The following KCNQ3 variants were observed in gnomAD, a reference collection of about 807,000 sequenced individuals.
KCNQ3 encodes potassium voltage-gated channel subfamily Q member 3.
Under a neutral mutation model 92.5 loss-of-function variants are expected in KCNQ3, and 30 were observed. The ratio of observed to expected loss-of-function variants is 0.32; its 90% CI spans 0.24 to 0.44. The LOEUF (loss-of-function observed/expected upper bound fraction) is 0.44. Ranked by LOEUF, KCNQ3 falls within the 20% of genes least tolerant of loss-of-function variation. The pLI is 1.00. For missense variants in KCNQ3, 913 were observed against 1,140.3 expected, an observed-to-expected ratio of 0.80 and a Z score of 2.87; for synonymous variants, 450 against 468.8, an observed-to-expected ratio of 0.96 and a Z score of 0.52.
chr8:132,141,014 G>A (rs1825278391), intron 10 of KCNQ3, 115 bp downstream of exon 10: 1 of 937,692 alleles, frequency 1.1e-6, no homozygotes, highest in African/African-American at 1.6e-5. Context: ...GGAAGGGAGA[G>A]AGTTACCTTG....
chr8:132,410,178 T>C (rs879885743), intron 1 of KCNQ3, among the ~76,000 whole-genome samples: 2 of 152,214 alleles, frequency 1.3e-5, no homozygotes, highest in Admixed American at 6.5e-5. Flanking sequence ...TGCTGTTTAC[T>C]TAAGGAATGA....
intron 1 of KCNQ3, among the ~76,000 whole-genome samples, chr8:132,431,819 C>T (rs954142180): frequency 1.3e-5 from 2 of 152,304 alleles, no homozygotes; most frequent in South Asian, 2.1e-4. Flanking sequence ...ATGGAGATCC[C>T]AGACAGAAGC....
At chr8:132,435,051 CA>C (rs1821357232) in intron 1 of KCNQ3, among the ~76,000 whole-genome samples, 1 of 152,164 alleles carries the variant, frequency 6.6e-6, no homozygotes, top group Non-Finnish European at 1.5e-5. Flanking sequence ...CCACCTAGGT[CA>C]GGGGTGCTGC....
chr8:132,214,178 T>C (rs879561518), intron 1 of KCNQ3, among the ~76,000 whole-genome samples: 2 of 152,224 alleles, frequency 1.3e-5, no homozygotes, highest in Non-Finnish European at 2.9e-5. Context: ...CTCTCTGAGC[T>C]ACAGTTCCCT....
At chr8:132,227,627 T>C (rs1814474390) in intron 1 of KCNQ3, among the ~76,000 whole-genome samples, 1 of 152,222 alleles carries the variant, frequency 6.6e-6, no homozygotes, top group Non-Finnish European at 1.5e-5. Context: ...GAGGGCCTCT[T>C]TGGCCCTTTG....
intron 1 of KCNQ3, among the ~76,000 whole-genome samples, chr8:132,243,323 C>CGAA (rs1260096497): frequency 1.3e-5 from 2 of 152,154 alleles, no homozygotes; most frequent in Non-Finnish European, 2.9e-5. Context: ...TCACTACTGA[C>CGAA]ACTATCAAAA....
chr8:132,437,309 AT>A (rs1213581808), intron 1 of KCNQ3, among the ~76,000 whole-genome samples: 1 of 151,030 alleles, frequency 6.6e-6, no homozygotes, highest in Admixed American at 6.6e-5. Flanking sequence ...AATAAAAAAA[AT>A]AAAAAAAAAG....
At chr8:132,355,432 G>T (rs1818993048) in intron 1 of KCNQ3, among the ~76,000 whole-genome samples, 1 of 151,972 alleles carries the variant, frequency 6.6e-6, no homozygotes, top group Non-Finnish European at 1.5e-5. Context: ...GACCCAAGCT[G>T]AGCCAATCAG....
chr8:132,148,257 T>C (rs930371), intron 9 of KCNQ3, among the ~76,000 whole-genome samples: 123,709 of 149,956 alleles, frequency 0.82, 51,266 homozygotes, highest in Middle Eastern at 0.88. Context: ...TTTCTTTTTC[T>C]TTTTTTTTTG....
At chr8:132,225,189 G>A (rs568561007) in intron 1 of KCNQ3, among the ~76,000 whole-genome samples, 13 of 152,276 alleles carry the variant, frequency 8.5e-5, no homozygotes, top group East Asian at 1.9e-4. Context: ...AAATGAAAAC[G>A]GCTTTTAAAA....
At chr8:132,352,374 G>A (rs1445522432) in intron 1 of KCNQ3, among the ~76,000 whole-genome samples, 1 of 152,150 alleles carries the variant, frequency 6.6e-6, no homozygotes, top group Non-Finnish European at 1.5e-5. Context: ...CAAGGATGCT[G>A]CTAAACATTC....
intron 1 of KCNQ3, among the ~76,000 whole-genome samples, chr8:132,428,465 G>A (rs139688622): frequency 6.6e-6 from 1 of 152,218 alleles, no homozygotes; most frequent in East Asian, 1.9e-4. Flanking sequence ...CTGGTCCCTG[G>A]AAGCAGCACA....
At chr8:132,386,959 G>A (rs1247859412) in intron 1 of KCNQ3, among the ~76,000 whole-genome samples, 1 of 152,170 alleles carries the variant, frequency 6.6e-6, no homozygotes, top group Non-Finnish European at 1.5e-5. Context: ...AAAAATGTTT[G>A]TGGTGATGGA....
chr8:132,406,669 C>A (rs374393182), intron 1 of KCNQ3, among the ~76,000 whole-genome samples: 2 of 152,108 alleles, frequency 1.3e-5, no homozygotes, highest in African/African-American at 4.8e-5. Flanking sequence ...AACTACCATG[C>A]TTTCTCAGTT....
intron 1 of KCNQ3, among the ~76,000 whole-genome samples, chr8:132,224,081 A>ATTTTTTT (rs1164773143): frequency 0.012 from 464 of 39,464 alleles, 45 homozygotes; most frequent in Non-Finnish European, 0.017. Flanking sequence ...ATGCCAGGCT[A>ATTTTTTT]TTTTTTTTTT....
chr8:132,281,876 C>T (rs1816533942), intron 1 of KCNQ3, among the ~76,000 whole-genome samples: 1 of 152,212 alleles, frequency 6.6e-6, no homozygotes, highest in Admixed American at 6.5e-5. Context: ...TCTTACCTCT[C>T]ATCTCACTGC....
In KCNQ3 at chr8:132,456,647, G is replaced by A. The variant is rs375571746; in HGVS notation, c.386+23500C>T. Reference sequence around the variant, plus strand: ...TTTTGAGATGGAGTCTCACTCTGTCGCCCAGGCTGCAGTGCAGTGGTGCGA... The same window carrying A: ...TTTTGAGATGGAGTCTCACTCTGTCACCCAGGCTGCAGTGCAGTGGTGCGA... On this transcript the variant is annotated intron_variant, in intron 1 of 14. Coordinates refer to ENST00000388996, the MANE Select transcript of KCNQ3 (RefSeq NM_004519.4). Among the ~76,000 whole-genome samples the A allele has an allele frequency of 7.2e-3, 1,069 of 149,452 alleles. 12 individuals are homozygous for A. The highest frequency in any genetic ancestry group is 0.025 in the African/African-American group (1,032 of 40,484).
At chr8:132,232,999 C>T (rs1359011064) in intron 1 of KCNQ3, among the ~76,000 whole-genome samples, 2 of 152,186 alleles carry the variant, frequency 1.3e-5, no homozygotes, top group Non-Finnish European at 2.9e-5. Context: ...TTGTCTCTGG[C>T]ATTGCTAAGC....
intron 1 of KCNQ3, among the ~76,000 whole-genome samples, chr8:132,229,994 T>C (rs1465589021): frequency 6.6e-6 from 1 of 152,148 alleles, no homozygotes; most frequent in Non-Finnish European, 1.5e-5. Context: ...AAGGGCAGGA[T>C]GGGGTCTGAT....
Sources: allele counts gnomAD v4.1 joint callset (sites outside exome capture counted in the v4.1 genomes callset), GRCh38; gene constraint gnomAD v4.1.1; transcripts MANE v1.5; gene names NCBI Gene and HGNC (gene_info 2026-07-23, HGNC 2026-07-21).